The following CEP250 variants were observed in gnomAD, a reference collection of about 807,000 sequenced individuals.
CEP250 encodes centrosomal protein 250, also known as centrosome-associated protein CEP250.
Under a neutral mutation model 315.7 loss-of-function variants are expected in CEP250, and 242 were observed. The ratio of observed to expected loss-of-function variants is 0.77; its 90% CI spans 0.69 to 0.85. The LOEUF (loss-of-function observed/expected upper bound fraction) is 0.85, where lower values mean the gene tolerates loss of function less well. CEP250 is among the 40% of genes least tolerant of loss of function. The pLI is 0.00. For missense variants in CEP250, 2,515 were observed against 2,886.4 expected (o/e 0.87, Z 2.95); for synonymous variants, 1,088 against 1,175.0 (o/e 0.93, Z 1.51).
At position 35,512,685 on chromosome 20, in the gene CEP250, A is replaced by G; in HGVS notation, c.*1059A>G. The G allele has an allele frequency of 6.6e-6, 1 of 152,162 alleles. No individual in the cohort carries two copies. Among genetic ancestry groups the G allele is most frequent in the East Asian group, 1.9e-4 (1 of 5,190 alleles). 9.4% of individuals were successfully genotyped at this position (152,162 alleles called of 1,614,324 possible). On this transcript the variant is annotated 3_prime_UTR_variant, in exon 35 of 35. Transcript: ENST00000397527. The stretch of plus-strand genomic sequence containing the variant: ...AGACCTATTGCTGGCAACCTCCTCA[A>G]AGCCTAAAAATTGTTTAATTTTTTT...
Position 35,504,019 on chromosome 20 carries a change from G to T in CEP250, c.5650G>T (p.Ala1884Ser). 2.5e-6 allele frequency: 4 copies of T among 1,608,118 alleles called. No individual in the cohort carries two copies. Among genetic ancestry groups the T allele is most frequent in the Non-Finnish European group, 3.4e-6 (4 of 1,176,692 alleles). ...ELAVEGRRVQALEEVLGDLRA... is the reference protein window; with the variant it reads ...ELAVEGRRVQSLEEVLGDLRA... ...GGCAGTGGAGGGACGGCGGGTCCAG[G>T]CCCTGGAGGAGGTGCTGGGAGACCT... Residue 1884 changes from alanine to serine, a missense_variant, in exon 30 of 35, where the codon GCC (alanine) becomes TCC (serine). Transcript: ENST00000397527.
chr20:35,508,991 C>G lies in CEP250; in HGVS notation c.6955C>G (p.Gln2319Glu). ...GAAGAGGGAGGCCATGCGTGCGGCC[C>G]AGGCAGGGTCCCTAGAGATCAGCAA... is the stretch of plus-strand genomic sequence containing the variant. ...KLKREAMRAA[Q>E]AGSLEISKAT... Residue 2319 changes from glutamine (Q) to glutamate (E), a missense_variant, in exon 33 of 35, where the codon CAG becomes GAG. Transcript: ENST00000397527. 1 of 1,559,012 alleles carries G rather than the reference C, an allele frequency of 6.4e-7. No individual in the cohort carries two copies. The highest frequency in any genetic ancestry group is 8.7e-7 in the Non-Finnish European group (1 of 1,150,610).
intron 5 of CEP250, among the ~76,000 whole-genome samples, chr20:35,464,649 G>A (rs1411855128): frequency 6.6e-6 from 1 of 152,178 alleles, no homozygotes; most frequent in African/African-American, 2.4e-5. Flanking sequence ...TCAGCCAGGC[G>A]CAGTGGCTCA....
chr20:35,502,856 T>C lies in CEP250; in HGVS notation c.4487T>C (p.Val1496Ala). ...RSVLEHLPMAVQEREQKLTVQ... is the reference protein window; with the variant it reads ...RSVLEHLPMAAQEREQKLTVQ... ...GTTTTAGAGCATCTGCCCATGGCCG[T>C]CCAGGAGCGAGAGCAGAAGCTGACT... Residue 1496 changes from valine to alanine, a missense_variant, in exon 30 of 35, where the codon GTC becomes GCC. By Grantham distance (64) the Val-to-Ala change is moderately conservative. Coordinates refer to ENST00000397527, the MANE Select transcript of CEP250 (RefSeq NM_007186.6). 2 of 1,614,166 alleles carry C rather than the reference T, an allele frequency of 1.2e-6. No homozygotes were observed. Among genetic ancestry groups the C allele is most frequent in the Non-Finnish European group, 1.7e-6 (2 of 1,180,038 alleles).
chr20:35,488,140 G>A (rs1437125429), intron 20 of CEP250, among the ~76,000 whole-genome samples: 1 of 152,320 alleles, frequency 6.6e-6, no homozygotes, highest in Non-Finnish European at 1.5e-5. Flanking sequence ...TACCAGCAAT[G>A]CTGGACTGTT....
chr20:35,490,149 C>T (rs994009734), intron 20 of CEP250, among the ~76,000 whole-genome samples: 32 of 152,182 alleles, frequency 2.1e-4, no homozygotes, highest in Admixed American at 1.7e-3. Context: ...CCCATCTCTA[C>T]TAAAAATACA....
In CEP250 at chr20:35,503,326, C is replaced by T; in HGVS notation, c.4957C>T (p.Leu1653Phe). The T allele has an allele frequency of 1.2e-6, 2 of 1,614,124 alleles. No homozygotes were observed. Among genetic ancestry groups the T allele is most frequent in the South Asian group, 1.1e-5 (1 of 91,076 alleles). Residue 1653 changes from leucine to phenylalanine, a missense_variant, in exon 30 of 35, where the codon CTC (leucine) becomes TTC (phenylalanine). Coordinates refer to ENST00000397527, the MANE Select transcript of CEP250 (RefSeq NM_007186.6). The surrounding 1 kb of genome is among the most constrained non-coding windows in gnomAD (Gnocchi z 4.2). Reference protein sequence around the residue: ...QRQKEHLTQDLERRDQELMLQ... With the variant: ...QRQKEHLTQDFERRDQELMLQ... ...GCAGAAAGAGCATCTGACTCAGGAT[C>T]TCGAGAGGAGAGACCAGGAGCTGAT... is the stretch of plus-strand genomic sequence containing the variant.
rs1277668137 is a variant in CEP250 at position 35,468,047 on chromosome 20, T to C, written c.851+492T>C. 3.4e-5 allele frequency among the ~76,000 whole-genome samples: 5 copies of C among 148,270 alleles called. No homozygotes were observed. The Admixed American group carries it at 3.4e-4, about 10-fold the overall frequency. On this transcript the variant is annotated intron_variant, in intron 9 of 34. Transcript: ENST00000397527. ...GCAACCTCTGCCTCCTGGGTTCAAGTGACTCCCCTGCCTCAGCCTCCCAAG... is the reference window on the plus strand; with the variant it reads ...GCAACCTCTGCCTCCTGGGTTCAAGCGACTCCCCTGCCTCAGCCTCCCAAG...
chr20:35,480,259 A>G (rs2146892083), intron 20 of CEP250, 114 bp downstream of exon 20: 1 of 1,089,924 alleles, frequency 9.2e-7, no homozygotes, highest in Non-Finnish European at 1.3e-6. Flanking sequence ...AAGCTGTAAA[A>G]TCCAACTTCC....
Position 35,473,497 on chromosome 20 carries a change from G to A in CEP250, c.1333G>A (p.Asp445Asn). The change falls in exon 13 of 35, where the codon GAC becomes AAC. Residue 445 changes from aspartate to asparagine, a missense_variant. Coordinates refer to ENST00000397527, the MANE Select transcript of CEP250 (RefSeq NM_007186.6). ...GCTGCAGAAGCTCACTGGGGAGCGG[G>A]ACACTCTGGCAGGGCAGACTGTGGA... ...QRLQKLTGER[D>N]TLAGQTVDLQ... 1 of 1,614,162 alleles carries A rather than the reference G, an allele frequency of 6.2e-7. No individual in the cohort carries two copies. Among genetic ancestry groups the A allele is most frequent in the Admixed American group, 1.7e-5 (1 of 60,010 alleles).
intron 12 of CEP250, 149 bp from the exon 13 acceptor site, chr20:35,473,225 G>C: frequency 1.6e-6 from 1 of 633,878 alleles, no homozygotes; most frequent in Non-Finnish European, 2.7e-6. Flanking sequence ...ACCTCTGATG[G>C]CCTGTCTTCT....
chr20:35,466,109 G>A lies in CEP250; in HGVS notation c.397G>A (p.Ala133Thr). 6.2e-7 allele frequency: 1 copy of A among 1,614,168 alleles called. No individual in the cohort carries two copies. The highest frequency in any genetic ancestry group is 8.5e-7 in the Non-Finnish European group (1 of 1,180,034). Residue 133 changes from alanine to threonine, a missense_variant, in exon 7 of 35, where the codon GCC (alanine) becomes ACC (threonine). Physicochemically the swap from Ala to Thr is moderately conservative, Grantham distance 58 (BLOSUM62 0). Coordinates refer to ENST00000397527, the MANE Select transcript of CEP250 (RefSeq NM_007186.6). The part of the protein sequence containing the change: ...HMEKADVVNK[A>T]LREDVEKLTV... ...GGAAAAAGCTGACGTGGTGAATAAA[G>A]CCCTTAGGGAAGATGTGGAAAAACT...
rs2064310919 is a variant in CEP250 at position 35,510,046 on chromosome 20, C to T, written c.7057C>T (p.Gln2353Ter). Residue 2353 changes from glutamine (Q) to a stop codon, truncating the protein, a stop_gained, in exon 34 of 35, where the codon CAG (glutamine) becomes TAG (stop). Coordinates refer to ENST00000397527, the MANE Select transcript of CEP250 (RefSeq NM_007186.6). LOFTEE classifies it high-confidence loss of function. The part of the protein sequence containing the change: ...NSDAKCVAEL[Q>*]KEVVLLQAQL... ...AGATGCCAAGTGTGTGGCTGAACTG[C>T]AGAAAGAGGTATGTTCTGGATTTTC... 1.2e-6 allele frequency: 2 copies of T among 1,614,096 alleles called. No homozygotes were observed. Among genetic ancestry groups the T allele is most frequent in the Non-Finnish European group, 1.7e-6 (2 of 1,179,946 alleles).
intron 20 of CEP250, among the ~76,000 whole-genome samples, chr20:35,489,187 C>CAAAAAA (rs56824051): frequency 8.0e-6 from 1 of 124,790 alleles, no homozygotes; most frequent in Non-Finnish European, 1.8e-5. Flanking sequence ...GACTCTGTCT[C>CAAAAAA]AAAAAAAAAA....
chr20:35,483,448 G>T (rs1339132322), intron 20 of CEP250, among the ~76,000 whole-genome samples: 1 of 151,680 alleles, frequency 6.6e-6, no homozygotes, highest in Non-Finnish European at 1.5e-5. Flanking sequence ...AAACTCCTGA[G>T]CTCAAGTGAG....
At chr20:35,506,131 G>A (rs983413804) in intron 30 of CEP250, among the ~76,000 whole-genome samples, 2 of 152,178 alleles carry the variant, frequency 1.3e-5, no homozygotes, top group Non-Finnish European at 2.9e-5. Context: ...AGAAGTCAAA[G>A]ATGACACTCA....
At chr20:35,458,966 C>CT (rs778598883) in intron 2 of CEP250, among the ~76,000 whole-genome samples, 1,078 of 59,204 alleles carry the variant, frequency 0.018, 326 homozygotes, top group African/African-American at 0.072. Flanking sequence ...TAATGCAAAT[C>CT]TTTTTTTTTT....
chr20:35,484,963 T>C (rs1191461795), intron 20 of CEP250, among the ~76,000 whole-genome samples: 1 of 150,896 alleles, frequency 6.6e-6, no homozygotes, highest in Non-Finnish European at 1.5e-5. Flanking sequence ...ATGTAAAGGC[T>C]GGGTGCAGTG....
rs556269994 is a variant in CEP250 at position 35,482,428 on chromosome 20, T to G, written c.2586+2283T>G. 1.4e-3 allele frequency among the ~76,000 whole-genome samples: 197 copies of G among 145,276 alleles called. 1 individual carries two copies. Among genetic ancestry groups the G allele is most frequent in the African/African-American group, 5.5e-3 (194 of 35,254 alleles). On this transcript the variant is annotated intron_variant, in intron 20 of 34. Coordinates refer to ENST00000397527, the MANE Select transcript of CEP250 (RefSeq NM_007186.6). ...TGTATTTTTAGTAAATACAAAAATTTTTTGTATTCACCGTGTTAGCCAGGA... is the reference window on the plus strand; with the variant it reads ...TGTATTTTTAGTAAATACAAAAATTGTTTGTATTCACCGTGTTAGCCAGGA...
Sources: gnomAD v4.1 joint callset for allele counts (sites outside exome capture counted in the v4.1 genomes callset) on GRCh38, gnomAD v4.1.1 for gene constraint, Gnocchi (gnomAD v3.1) non-coding constraint, MANE v1.5 for transcripts, NCBI Gene and HGNC (gene_info 2026-07-23, HGNC 2026-07-21) for gene names.